The following SCAI variants were observed in gnomAD, a reference collection of about 807,000 sequenced individuals.
The protein encoded by SCAI is suppressor of cancer cell invasion, also known as protein SCAI.
A neutral mutation model predicts 92.2 loss-of-function variants in SCAI; 24 were observed. That is an observed-to-expected ratio of 0.26 (90% confidence interval 0.19 to 0.37). SCAI has a LOEUF of 0.37. Among genes scored for constraint, SCAI ranks in the 10% least tolerant of loss-of-function variants. The pLI is 1.00. For missense variants in SCAI, 450 were observed against 736.2 expected, an observed-to-expected ratio of 0.61 and a Z score of 4.50; for synonymous variants, 261 against 258.6, an observed-to-expected ratio of 1.01 and a Z score of -0.09.
chr9:125,104,195 C>T (rs1340106715), intron 2 of SCAI, among the ~76,000 whole-genome samples: 1 of 152,162 alleles, frequency 6.6e-6, no homozygotes, highest in African/African-American at 2.4e-5. Context: ...AGAATCATTC[C>T]AGTCCAAATT....
At chr9:125,104,579 G>C (rs1320291429) in intron 2 of SCAI, among the ~76,000 whole-genome samples, 2 of 142,250 alleles carry the variant, frequency 1.4e-5, no homozygotes, top group Non-Finnish European at 3.0e-5. Context: ...AAAACAAAGA[G>C]ATTTCTGATC....
rs371009395 is a variant in SCAI at position 125,115,858 on chromosome 9, C to T, written c.98+26775G>A. Among the ~76,000 whole-genome samples, 9 of 152,210 alleles carry T rather than the reference C, an allele frequency of 5.9e-5. No homozygotes were observed. The East Asian group carries it at 1.2e-3, about 20-fold the overall frequency. ...GACAGTACACTATTTTTTAAGTTGACCAGTGAGAACAAAGACATTTATTTG... is the reference window on the plus strand; with the variant it reads ...GACAGTACACTATTTTTTAAGTTGATCAGTGAGAACAAAGACATTTATTTG... On this transcript the variant is annotated intron_variant, in intron 2 of 17. Coordinates refer to ENST00000336505, the MANE Select transcript of SCAI (RefSeq NM_001144877.3).
chr9:124,946,751 T>A lies in SCAI; in HGVS notation c.*6056A>T, dbSNP rs1831150056. The A allele has an allele frequency of 6.6e-6, 1 of 152,204 alleles. No homozygotes were observed. The highest frequency in any genetic ancestry group is 1.5e-5 in the Non-Finnish European group (1 of 68,032). 9.4% of individuals were successfully genotyped at this position (152,204 alleles called of 1,614,324 possible). A position where few individuals can be genotyped will look rare whatever the true frequency, so the allele number is the denominator to read the frequency against. On this transcript the variant is annotated 3_prime_UTR_variant, in exon 18 of 18. Coordinates refer to ENST00000336505, the MANE Select transcript of SCAI (RefSeq NM_001144877.3). This position sits in a 1 kb window ranked among gnomAD's most constrained non-coding sequence, Gnocchi z 4.0. ...TTTATAGCACACCATGCATCTAATA[T>A]TAAAAACTCTACTTCATGTGCGAAT... is the stretch of plus-strand genomic sequence containing the variant.
intron 2 of SCAI, among the ~76,000 whole-genome samples, chr9:125,115,103 T>C (rs893150110): frequency 4.0e-5 from 6 of 151,896 alleles, no homozygotes; most frequent in African/African-American, 1.2e-4. Flanking sequence ...CCGGGCGCGG[T>C]GGTTCATGCC....
chr9:125,137,548 G>A (rs1000722606), intron 2 of SCAI, among the ~76,000 whole-genome samples: 3 of 152,150 alleles, frequency 2.0e-5, no homozygotes, highest in African/African-American at 7.2e-5. Context: ...CTTTGGCCCC[G>A]TGGAGACTGT....
At chr9:124,969,073 G>A (rs1467111079) in intron 17 of SCAI, among the ~76,000 whole-genome samples, 1 of 151,994 alleles carries the variant, frequency 6.6e-6, no homozygotes, top group Non-Finnish European at 1.5e-5. Flanking sequence ...CTCCTGAAGA[G>A]CTGGGACTAT....
At chr9:125,056,419 C>T (rs764813518) in intron 2 of SCAI, among the ~76,000 whole-genome samples, 1 of 152,008 alleles carries the variant, frequency 6.6e-6, no homozygotes, top group East Asian at 1.9e-4. Flanking sequence ...TGAGCCGAGA[C>T]GTGCCATTGC....
rs1177865840 is a variant in SCAI at position 125,032,195 on chromosome 9, A to ATATATAT, written c.231-2457_231-2456insATATATA. The stretch of plus-strand genomic sequence containing the variant: ...AATATATATATATATATATATATAT[A>ATATATAT]TTTTTTTTTTTTTTTGAGATGGAGT... On this transcript the variant is annotated intron_variant, in intron 3 of 17. Transcript: ENST00000336505. Among the ~76,000 whole-genome samples the ATATATAT allele has an allele frequency of 1.8e-3, 181 of 99,420 alleles. 1 individual carries two copies. The highest frequency in any genetic ancestry group is 5.9e-3 in the Middle Eastern group (1 of 170). 65.2% of individuals were successfully genotyped at this position (99,420 alleles called of 152,430 possible). A position where few individuals can be genotyped will look rare whatever the true frequency, so the allele number is the denominator to read the frequency against.
intron 17 of SCAI, chr9:124,968,390 G>A (rs906162561): frequency 4.0e-5 from 45 of 1,136,060 alleles, no homozygotes; most frequent in East Asian, 2.8e-4. Context: ...GGAGGGACAC[G>A]CAATCGTGGG....
At chr9:125,094,027 T>C (rs1261500957) in intron 2 of SCAI, among the ~76,000 whole-genome samples, 1 of 152,102 alleles carries the variant, frequency 6.6e-6, no homozygotes, top group Admixed American at 6.5e-5. Context: ...ACCTACTCTA[T>C]TCACAGTCTT....
At chr9:125,026,571 T>C (rs1291969888) in intron 6 of SCAI, among the ~76,000 whole-genome samples, 5 of 152,180 alleles carry the variant, frequency 3.3e-5, no homozygotes, top group African/African-American at 1.2e-4. Flanking sequence ...AGCCAATCTC[T>C]TGTAAAACAA....
intron 2 of SCAI, among the ~76,000 whole-genome samples, chr9:125,073,846 G>A (rs528535689): frequency 6.6e-6 from 1 of 152,084 alleles, no homozygotes; most frequent in East Asian, 1.9e-4. Context: ...TTCCCTGTAT[G>A]GTTAGTCAAA....
At chr9:125,042,634 T>TGTGTGTACAC (rs761672178) in intron 3 of SCAI, among the ~76,000 whole-genome samples, 73 of 96,208 alleles carry the variant, frequency 7.6e-4, no homozygotes, top group African/African-American at 2.6e-3. Flanking sequence ...TGTGTGTGTG[T>TGTGTGTACAC]ACACACACAC....
chr9:125,047,848 ATTT>A (rs1165106566), intron 3 of SCAI, among the ~76,000 whole-genome samples: 1 of 152,112 alleles, frequency 6.6e-6, no homozygotes, highest in Non-Finnish European at 1.5e-5. Context: ...GAAGTAGAAT[ATTT>A]TTTATTTATT....
chr9:124,953,471 C>G (rs1453441964), intron 17 of SCAI, among the ~76,000 whole-genome samples: 1 of 151,652 alleles, frequency 6.6e-6, no homozygotes, highest in Non-Finnish European at 1.5e-5. Flanking sequence ...TACTAAAATA[C>G]AAAAATTAGC....
chr9:125,137,223 T>C (rs1835558235), intron 2 of SCAI, among the ~76,000 whole-genome samples: 1 of 152,222 alleles, frequency 6.6e-6, no homozygotes. Flanking sequence ...ATACATGTGC[T>C]GGTTGTCCAT....
At chr9:125,026,572 T>A (rs539230190) in intron 6 of SCAI, among the ~76,000 whole-genome samples, 35 of 152,326 alleles carry the variant, frequency 2.3e-4, no homozygotes, top group African/African-American at 8.2e-4. Flanking sequence ...GCCAATCTCT[T>A]GTAAAACAAT....
chr9:124,987,937 T>C (rs1832033832), intron 14 of SCAI, among the ~76,000 whole-genome samples: 1 of 151,976 alleles, frequency 6.6e-6, no homozygotes, highest in Non-Finnish European at 1.5e-5. Context: ...CACTAGAGCC[T>C]GGGTAACAGA....
intron 15 of SCAI, 113 bp downstream of exon 15, chr9:124,976,001 C>T (rs1006771477): frequency 8.3e-5 from 58 of 700,070 alleles, no homozygotes; most frequent in Middle Eastern, 5.4e-4. Flanking sequence ...TATTAAACAC[C>T]ATAAATCCAC....
Sources: gnomAD v4.1 joint callset for allele counts (sites outside exome capture counted in the v4.1 genomes callset) on GRCh38, gnomAD v4.1.1 for gene constraint, Gnocchi (gnomAD v3.1) non-coding constraint, MANE v1.5 for transcripts, NCBI Gene and HGNC (gene_info 2026-07-23, HGNC 2026-07-21) for gene names.